The following SGCD variants were observed in gnomAD, a reference collection of about 807,000 sequenced individuals.
SGCD encodes delta-sarcoglycan.
Under a neutral mutation model 36.6 loss-of-function variants are expected in SGCD, and 18 were observed. That is an observed-to-expected ratio of 0.49 (90% CI 0.34 to 0.73). SGCD has a LOEUF of 0.73. SGCD is among the 30% of genes least tolerant of loss of function. The pLI, the probability that SGCD is intolerant of heterozygous loss-of-function variation, is 0.01. For synonymous variants in SGCD, 133 were observed against 130.6 expected (o/e 1.02, Z -0.12); for missense variants, 387 against 346.7 (o/e 1.12, Z -0.92).
chr5:156,332,939 A>G (rs1210221661), intron 2 of SGCD, among the ~76,000 whole-genome samples: 1 of 152,238 alleles, frequency 6.6e-6, no homozygotes, highest in Non-Finnish European at 1.5e-5. Flanking sequence ...TTGTTTTACT[A>G]GAAGTAAATT....
At chr5:156,384,970 C>T (rs376318409) in intron 3 of SGCD, among the ~76,000 whole-genome samples, 4 of 152,066 alleles carry the variant, frequency 2.6e-5, no homozygotes, top group African/African-American at 4.8e-5. Flanking sequence ...TGGCAGGTTG[C>T]GAAAGCACAC....
chr5:156,199,143 T>A (rs1017811326), intron 3 of SGCD, among the ~76,000 whole-genome samples: 1 of 152,164 alleles, frequency 6.6e-6, no homozygotes, highest in Non-Finnish European at 1.5e-5. Context: ...ACCTTCTGCC[T>A]GTAGAGTCTG....
intron 4 of SGCD, among the ~76,000 whole-genome samples, chr5:156,509,818 C>A (rs147486261): frequency 2.0e-5 from 3 of 151,978 alleles, no homozygotes; most frequent in Non-Finnish European, 4.4e-5. Flanking sequence ...TTTTATTTTT[C>A]GATTGGTTGG....
intron 4 of SGCD, among the ~76,000 whole-genome samples, chr5:156,509,443 A>G (rs1561744418): frequency 1.3e-5 from 2 of 152,212 alleles, no homozygotes. Flanking sequence ...AATTAATTCA[A>G]TATCAACAGC....
intron 7 of SGCD, among the ~76,000 whole-genome samples, chr5:156,746,281 C>CA (rs943427608): frequency 6.6e-6 from 1 of 152,010 alleles, no homozygotes; most frequent in Admixed American, 6.6e-5. Flanking sequence ...TGGATATAGC[C>CA]AAAATCTCTC....
At chr5:156,473,570 C>A (rs1755059015) in intron 3 of SGCD, among the ~76,000 whole-genome samples, 1 of 152,164 alleles carries the variant, frequency 6.6e-6, no homozygotes, top group African/African-American at 2.4e-5. Context: ...AAAGAAGAAC[C>A]ATAGACGAGG....
At chr5:155,761,854 C>T in the SGCD span, among the ~76,000 whole-genome samples, 1 of 152,154 alleles carries the variant, frequency 6.6e-6, no homozygotes, top group African/African-American at 2.4e-5. Context: ...CCATCATCAT[C>T]TTCATTATCA....
the SGCD span, among the ~76,000 whole-genome samples, chr5:155,804,549 G>A: frequency 6.6e-6 from 1 of 152,200 alleles, no homozygotes; most frequent in East Asian, 1.9e-4. Flanking sequence ...TTAGGGCCCA[G>A]CTTCTCCAGG....
rs149532874 is a variant in SGCD at position 156,756,054 on chromosome 5, G to A, written c.576-1527G>A. Reference sequence around the variant, plus strand: ...GAGGCAGTGGCAAAAACAGAACAAAGAATCAATAGTGGGCAAGGAGAATGA... The same window carrying A: ...GAGGCAGTGGCAAAAACAGAACAAAAAATCAATAGTGGGCAAGGAGAATGA... On this transcript the variant is annotated intron_variant, in intron 7 of 8. Transcript: ENST00000337851. Among the ~76,000 whole-genome samples, 1,026 of 152,278 alleles carry A rather than the reference G, an allele frequency of 6.7e-3. 5 individuals are homozygous for A. Among genetic ancestry groups the A allele is most frequent in the Non-Finnish European group, 0.012 (783 of 68,016 alleles).
intron 6 of SGCD, among the ~76,000 whole-genome samples, chr5:156,624,190 G>C (rs1021803066): frequency 6.6e-6 from 1 of 152,282 alleles, no homozygotes; most frequent in South Asian, 2.1e-4. Context: ...ATTTGAGTTA[G>C]TTCTTGAAGG....
At chr5:156,533,665 A>C (rs1757979198) in intron 4 of SGCD, among the ~76,000 whole-genome samples, 1 of 152,200 alleles carries the variant, frequency 6.6e-6, no homozygotes, top group South Asian at 2.1e-4. Context: ...TAGGTTTTCC[A>C]ATTGTCCAAA....
At chr5:156,134,386 A>G (rs1012468194) in intron 3 of SGCD, among the ~76,000 whole-genome samples, 1 of 152,114 alleles carries the variant, frequency 6.6e-6, no homozygotes, top group Non-Finnish European at 1.5e-5. Flanking sequence ...CCATCTTCCC[A>G]TTCCATTTGC....
chr5:155,782,021 CT>C, the SGCD span, among the ~76,000 whole-genome samples: 2 of 120,640 alleles, frequency 1.7e-5, no homozygotes, highest in African/African-American at 3.1e-5. Flanking sequence ...TTTCATTTTT[CT>C]TTTCTTTTTT....
At chr5:155,793,326 T>C in the SGCD span, among the ~76,000 whole-genome samples, 2 of 152,068 alleles carry the variant, frequency 1.3e-5, no homozygotes, top group African/African-American at 4.8e-5. Context: ...AGACCATTCA[T>C]ACTCCAAACC....
intron 6 of SGCD, among the ~76,000 whole-genome samples, chr5:156,608,558 G>A (rs1561811613): frequency 6.6e-6 from 1 of 152,180 alleles, no homozygotes; most frequent in Non-Finnish European, 1.5e-5. Flanking sequence ...TGTCTATCAG[G>A]TCTGCTTGGT....
At chr5:156,518,403 C>T (rs1393250682) in intron 4 of SGCD, among the ~76,000 whole-genome samples, 1 of 152,120 alleles carries the variant, frequency 6.6e-6, no homozygotes, top group Admixed American at 6.6e-5. Context: ...GACTTTCACA[C>T]CCACTGTCAA....
intron 3 of SGCD, among the ~76,000 whole-genome samples, chr5:156,444,958 AAATAAAACC>A (rs1466577103): frequency 4.6e-5 from 7 of 152,194 alleles, no homozygotes; most frequent in Admixed American, 1.3e-4. Context: ...TGCTGTCTAT[AAATAAAACC>A]ACTTTTACAT....
intron 3 of SGCD, among the ~76,000 whole-genome samples, chr5:156,386,028 A>C (rs1771257849): frequency 6.6e-6 from 1 of 152,232 alleles, no homozygotes; most frequent in African/African-American, 2.4e-5. Context: ...ATCTCCTATC[A>C]GGTAATGATG....
At chr5:155,748,386 C>T in the SGCD span, among the ~76,000 whole-genome samples, 1 of 152,048 alleles carries the variant, frequency 6.6e-6, no homozygotes, top group Non-Finnish European at 1.5e-5. Context: ...ATTCCTTGTA[C>T]TCTCCTTCAG....
Sources: allele counts gnomAD v4.1 joint callset (sites outside exome capture counted in the v4.1 genomes callset), GRCh38; gene constraint gnomAD v4.1.1; transcripts MANE v1.5; gene names NCBI Gene and HGNC (gene_info 2026-07-23, HGNC 2026-07-21).